RBM38: variants seen among roughly 807,000 people sequenced by gnomAD.
RBM38 encodes RNA-binding protein 38.
RBM38 carries 11 observed loss-of-function variants against 23.5 expected under a neutral mutation model. That is an observed-to-expected ratio of 0.47 (90% confidence interval 0.29 to 0.77). The LOEUF (loss-of-function observed/expected upper bound fraction) is 0.77, where lower values mean the gene tolerates loss of function less well. RBM38 is among the 30% of genes least tolerant of loss of function. RBM38 has a pLI of 0.08. For missense variants in RBM38, 330 were observed against 351.9 expected, an observed-to-expected ratio of 0.94 and a Z score of 0.50; for synonymous variants, 165 against 166.1, an observed-to-expected ratio of 0.99 and a Z score of 0.05.
In RBM38 at chr20:57,392,929, C is replaced by G. The variant is rs964876819; in HGVS notation, c.361+152C>G. The stretch of plus-strand genomic sequence containing the variant: ...GCCGGCACAGGGCAGCCATCCCCCC[C>G]TCGAGGATCTAGACCCCTTCTCACA... On this transcript the variant is annotated intron_variant, in intron 2 of 3. Coordinates refer to ENST00000356208, the MANE Select transcript of RBM38 (RefSeq NM_017495.6). 1.1e-5 allele frequency: 12 copies of G among 1,055,574 alleles called. No individual in the cohort carries two copies. In the African/African-American group the frequency reaches 1.4e-4, roughly 13 times the overall value. 65.4% of individuals were successfully genotyped at this position (1,055,574 alleles called of 1,614,324 possible).
At chr20:57,391,914 C>T (rs1485571963) in intron 1 of RBM38, 96 bp downstream of exon 1, 2 of 871,214 alleles carry the variant, frequency 2.3e-6, no homozygotes, top group East Asian at 7.8e-5. Flanking sequence ...AGACGGCCCG[C>T]TGCCGCCCCC....
In RBM38 at chr20:57,407,788, C is replaced by T. The variant is rs369246420; in HGVS notation, c.662C>T (p.Ala221Val). The T allele has an allele frequency of 7.0e-5, 113 of 1,603,606 alleles. No homozygotes were observed. In the African/African-American group the frequency reaches 9.1e-4, roughly 13 times the overall value. Residue 221 changes from alanine (A) to valine (V), a missense_variant, in exon 4 of 4, where the codon GCG becomes GTG. This residue lies in a region of RBM38 where 227 missense variants were observed against 216.4 expected (regional missense o/e 1.05). Coordinates refer to ENST00000356208, the MANE Select transcript of RBM38 (RefSeq NM_017495.6). This position sits in a 1 kb window ranked among gnomAD's most constrained non-coding sequence, Gnocchi z 4.0. Reference protein sequence around the residue: ...VPQALSAAAPAGTTFVQYQAP... With the variant: ...VPQALSAAAPVGTTFVQYQAP... Reference sequence around the variant, plus strand: ...CAGGCCCTCTCAGCCGCAGCACCCGCGGGCACCACTTTCGTGCAGTACCAG... The same window carrying T: ...CAGGCCCTCTCAGCCGCAGCACCCGTGGGCACCACTTTCGTGCAGTACCAG...
chr20:57,401,618 G>A (rs1332292107), intron 3 of RBM38, among the ~76,000 whole-genome samples: 2 of 152,224 alleles, frequency 1.3e-5, no homozygotes, highest in African/African-American at 4.8e-5. Context: ...GGAAGACATT[G>A]TGCAAGGTAG....
chr20:57,399,819 G>T (rs2067309635), intron 3 of RBM38: 2 of 450,946 alleles, frequency 4.4e-6, no homozygotes, highest in Non-Finnish European at 8.9e-6. Context: ...AGCCAGGCGG[G>T]AGTCAGAACC....
chr20:57,392,392 C>G, intron 1 of RBM38: 1 of 1,510,848 alleles, frequency 6.6e-7, no homozygotes, highest in Non-Finnish European at 8.8e-7. Context: ...GCCCTATCCC[C>G]GCAGGGGATT....
intron 3 of RBM38, among the ~76,000 whole-genome samples, chr20:57,398,177 C>T (rs2067293426): frequency 6.6e-6 from 1 of 152,076 alleles, no homozygotes; most frequent in African/African-American, 2.4e-5. Context: ...GTTTTTGCAA[C>T]TTCTTGGGAG....
chr20:57,403,013 G>A (rs2067344683), intron 3 of RBM38, among the ~76,000 whole-genome samples: 1 of 152,194 alleles, frequency 6.6e-6, no homozygotes, highest in Non-Finnish European at 1.5e-5. Flanking sequence ...TCTTTGTTGT[G>A]GGGGCACCCT....
At chr20:57,398,214 GAAAC>G (rs2067293786) in intron 3 of RBM38, among the ~76,000 whole-genome samples, 1 of 152,074 alleles carries the variant, frequency 6.6e-6, no homozygotes, top group South Asian at 2.1e-4. Flanking sequence ...AATACAAAGT[GAAAC>G]AAAGCCAGAG....
rs116307935 is a variant in RBM38, at chr20:57,397,966, A to C, written c.416+4633A>C. On this transcript the variant is annotated intron_variant, in intron 3 of 3. Coordinates refer to ENST00000356208, the MANE Select transcript of RBM38 (RefSeq NM_017495.6). ...GGGAGATGTGTCTGTGTGTGTGATA[A>C]AGCTTCACAGTTTGTGTGTAACTAC... 3.9e-3 allele frequency among the ~76,000 whole-genome samples: 592 copies of C among 152,188 alleles called. 6 individuals are homozygous for C. Among genetic ancestry groups the C allele is most frequent in the African/African-American group, 0.014 (576 of 41,508 alleles).
chr20:57,392,024 ACCC>A (rs1600741320), intron 1 of RBM38, among the ~76,000 whole-genome samples: 1 of 10,538 alleles, frequency 9.5e-5, no homozygotes. Context: ...CCCCACCCCC[ACCC>A]CCACCCCCAC....
At position 57,407,182 on chromosome 20, in the gene RBM38, C is replaced by T. The variant is rs143808804; in HGVS notation, c.417-361C>T. Reference sequence around the variant, plus strand: ...TCGTACCGGGCCCTGCTCTTGATCGCATGCTCCGCCGTCGTGGCTTCAAAC... The same window carrying T: ...TCGTACCGGGCCCTGCTCTTGATCGTATGCTCCGCCGTCGTGGCTTCAAAC... On this transcript the variant is annotated intron_variant, in intron 3 of 3. Coordinates refer to ENST00000356208, the MANE Select transcript of RBM38 (RefSeq NM_017495.6). The surrounding 1 kb of genome is among the most constrained non-coding windows in gnomAD (Gnocchi z 4.0). Among the ~76,000 whole-genome samples, 173 of 152,284 alleles carry T rather than the reference C, an allele frequency of 1.1e-3. No homozygotes were observed. Among genetic ancestry groups the T allele is most frequent in the African/African-American group, 4.1e-3 (169 of 41,540 alleles).
intron 3 of RBM38, among the ~76,000 whole-genome samples, chr20:57,405,859 G>T (rs539717714): frequency 6.6e-6 from 1 of 152,284 alleles, no homozygotes; most frequent in East Asian, 1.9e-4. Flanking sequence ...GCTCTGGGGA[G>T]GGAGCACTGT....
chr20:57,397,161 T>C (rs140154638), intron 3 of RBM38, among the ~76,000 whole-genome samples: 236 of 152,322 alleles, frequency 1.5e-3, no homozygotes, highest in African/African-American at 5.4e-3. Flanking sequence ...CTGCCTTCCC[T>C]ACAGGGCCAA....
At chr20:57,393,861 C>T (rs2067246218) in intron 3 of RBM38, among the ~76,000 whole-genome samples, 2 of 152,226 alleles carry the variant, frequency 1.3e-5, no homozygotes, top group South Asian at 4.1e-4. Context: ...GCCTGAGTGG[C>T]CTGGCCTATG....
chr20:57,393,886 C>T (rs79012632), intron 3 of RBM38, among the ~76,000 whole-genome samples: 102 of 152,232 alleles, frequency 6.7e-4, no homozygotes, highest in Non-Finnish European at 1.1e-3. Context: ...TCTAGTCTGA[C>T]TCATTTACAA....
rs557164445 is a variant in RBM38, at chr20:57,398,524, G to A, written c.416+5191G>A. Among the ~76,000 whole-genome samples the A allele has an allele frequency of 2.2e-4, 34 of 151,534 alleles. No individual in the cohort carries two copies. In the East Asian group the frequency reaches 6.2e-3, roughly 28 times the overall value. ...GTGGCGTCACGTTTTCACCCTCAGG[G>A]TGTCTCGTGGTGGCCCCGCCGCCCC... On this transcript the variant is annotated intron_variant, in intron 3 of 3. Transcript: ENST00000356208.
chr20:57,405,937 G>A (rs1042303543), intron 3 of RBM38, among the ~76,000 whole-genome samples: 4 of 152,238 alleles, frequency 2.6e-5, no homozygotes, highest in Non-Finnish European at 4.4e-5. Context: ...CCTGCCGAAC[G>A]CAGGAGAATG....
At chr20:57,399,260 A>G (rs2067304483) in intron 3 of RBM38, among the ~76,000 whole-genome samples, 1 of 152,104 alleles carries the variant, frequency 6.6e-6, no homozygotes, top group African/African-American at 2.4e-5. Flanking sequence ...GCAGGCTCCG[A>G]GCGGAGGAGG....
chr20:57,408,153 A>G lies in RBM38; in HGVS notation c.*307A>G, dbSNP rs1444754988. 3 of 451,366 alleles carry G rather than the reference A, an allele frequency of 6.6e-6. No individual in the cohort carries two copies. The highest frequency in any genetic ancestry group is 8.2e-6 in the Non-Finnish European group (2 of 244,400). The allele number at this position is 451,366 out of a possible 1,614,324, so 28.0% of individuals were successfully genotyped here. ...CTTGCACCTTCTCCTGCCTCTCCAC[A>G]CTCCAGGTTCCCTCAGGCTTGTGTC... On this transcript the variant is annotated 3_prime_UTR_variant, in exon 4 of 4. Transcript: ENST00000356208.
Sources: allele counts gnomAD v4.1 joint callset (sites outside exome capture counted in the v4.1 genomes callset), GRCh38; gene constraint gnomAD v4.1.1; regional missense constraint gnomAD v4.1.1; non-coding constraint Gnocchi (gnomAD v3.1); transcripts MANE v1.5; gene names NCBI Gene and HGNC (gene_info 2026-07-23, HGNC 2026-07-21).